The following RANBP2 variants were observed in gnomAD, a reference collection of about 807,000 sequenced individuals.
The protein encoded by RANBP2 is E3 SUMO-protein ligase RanBP2.
Under a neutral mutation model 303.6 loss-of-function variants are expected in RANBP2, and 57 were observed. The ratio of observed to expected loss-of-function variants is 0.19; its 90% CI spans 0.15 to 0.23. The LOEUF (loss-of-function observed/expected upper bound fraction) is 0.23. RANBP2 is among the 10% of genes least tolerant of loss of function. RANBP2 has a pLI of 1.00. For synonymous variants in RANBP2, 1,167 were observed against 1,301.5 expected (o/e 0.90, Z 2.23); for missense variants, 3,138 against 3,780.8 (o/e 0.83, Z 4.46).
chr2:109,456,695 G>A, the RANBP2 span, among the ~76,000 whole-genome samples: 1 of 152,236 alleles, frequency 6.6e-6, no homozygotes, highest in Non-Finnish European at 1.5e-5. Flanking sequence ...CAGCGTGGTT[G>A]TGAGTGCTGG....
the RANBP2 span, among the ~76,000 whole-genome samples, chr2:109,374,836 C>T: frequency 6.6e-6 from 1 of 152,212 alleles, no homozygotes; most frequent in Non-Finnish European, 1.5e-5. Flanking sequence ...CTGGCCTCAC[C>T]TGGCCTCAGC....
the RANBP2 span, among the ~76,000 whole-genome samples, chr2:109,275,961 A>G: frequency 1.3e-5 from 2 of 152,180 alleles, no homozygotes; most frequent in South Asian, 2.1e-4. Flanking sequence ...AGCCCACGTC[A>G]TGTGCAGCTG....
the RANBP2 span, among the ~76,000 whole-genome samples, chr2:108,987,713 C>T: frequency 6.6e-6 from 1 of 152,206 alleles, no homozygotes; most frequent in Non-Finnish European, 1.5e-5. Context: ...ACAGTGGAGA[C>T]CCCCGGCCAA....
At chr2:108,824,785 T>C in the RANBP2 span, among the ~76,000 whole-genome samples, 6 of 152,278 alleles carry the variant, frequency 3.9e-5, no homozygotes, top group African/African-American at 1.2e-4. Flanking sequence ...ACACCAGCAT[T>C]GTCACAAACA....
the RANBP2 span, among the ~76,000 whole-genome samples, chr2:108,958,749 C>A: frequency 6.2e-3 from 939 of 152,258 alleles, 12 homozygotes; most frequent in African/African-American, 0.022. Context: ...AAAGCTCAAG[C>A]GCAAGGCTTC....
the RANBP2 span, among the ~76,000 whole-genome samples, chr2:109,707,258 A>G: frequency 6.6e-6 from 1 of 152,142 alleles, no homozygotes; most frequent in African/African-American, 2.4e-5. Flanking sequence ...TCACATTTCA[A>G]ACCCTTTAGA....
At chr2:109,519,091 G>A in the RANBP2 span, among the ~76,000 whole-genome samples, 1 of 151,818 alleles carries the variant, frequency 6.6e-6, no homozygotes, top group African/African-American at 2.4e-5. Flanking sequence ...GCTAATTTTT[G>A]TATTTTTAGT....
chr2:109,103,937 G>A, the RANBP2 span, among the ~76,000 whole-genome samples: 2 of 151,982 alleles, frequency 1.3e-5, no homozygotes, highest in Non-Finnish European at 2.9e-5. Flanking sequence ...GGGACTACAG[G>A]CGCCCGCCAC....
chr2:109,032,855 T>A, the RANBP2 span, among the ~76,000 whole-genome samples: 2 of 152,230 alleles, frequency 1.3e-5, no homozygotes, highest in South Asian at 2.1e-4. Context: ...TTGCTGATTC[T>A]GTGGGCCTAA....
chr2:109,700,021 G>C, the RANBP2 span, among the ~76,000 whole-genome samples: 1 of 152,160 alleles, frequency 6.6e-6, no homozygotes, highest in Non-Finnish European at 1.5e-5. Context: ...TTTTATGGCA[G>C]GAAGATAGTT....
At chr2:109,152,083 T>G in the RANBP2 span, among the ~76,000 whole-genome samples, 1 of 152,268 alleles carries the variant, frequency 6.6e-6, no homozygotes, top group South Asian at 2.1e-4. Context: ...GTGGTCTTGA[T>G]GGACATGGAG....
the RANBP2 span, among the ~76,000 whole-genome samples, chr2:109,529,218 G>T: frequency 6.6e-6 from 1 of 152,178 alleles, no homozygotes; most frequent in East Asian, 1.9e-4. Flanking sequence ...TGGCACATGG[G>T]GTGCCCAGTC....
chr2:109,424,731 G>A, the RANBP2 span, among the ~76,000 whole-genome samples: 1 of 152,164 alleles, frequency 6.6e-6, no homozygotes, highest in Non-Finnish European at 1.5e-5. Flanking sequence ...TGATGTGTAT[G>A]TTCTGACGGC....
the RANBP2 span, among the ~76,000 whole-genome samples, chr2:108,820,301 A>G: frequency 6.6e-6 from 1 of 152,192 alleles, no homozygotes; most frequent in African/African-American, 2.4e-5. Flanking sequence ...AAAAAAACGA[A>G]GAAAAGTGAC....
the RANBP2 span, among the ~76,000 whole-genome samples, chr2:108,936,092 C>T: frequency 2.0e-5 from 3 of 152,228 alleles, no homozygotes; most frequent in African/African-American, 4.8e-5. Context: ...GTCCAGCCTC[C>T]GGGACTTCCC....
chr2:109,613,815 C>G, the RANBP2 span: 1 of 1,235,110 alleles, frequency 8.1e-7, no homozygotes, highest in South Asian at 3.9e-5. Flanking sequence ...CGCGCCACCT[C>G]GGAGGAGGCC....
chr2:109,553,042 AC>A, the RANBP2 span: 4 of 1,589,498 alleles, frequency 2.5e-6, no homozygotes, highest in South Asian at 3.5e-5. Context: ...AATTAATAGG[AC>A]ATCTAAAAAA....
the RANBP2 span, among the ~76,000 whole-genome samples, chr2:109,510,217 G>A: frequency 6.6e-6 from 1 of 152,198 alleles, no homozygotes; most frequent in Non-Finnish European, 1.5e-5. Context: ...AATGGCCAGG[G>A]GTAGGTCTCT....
At chr2:109,566,283 G>C in the RANBP2 span, among the ~76,000 whole-genome samples, 1 of 151,844 alleles carries the variant, frequency 6.6e-6, no homozygotes, top group Non-Finnish European at 1.5e-5. Context: ...ACAACATCCA[G>C]CTAATTTTTG....
Sources: gnomAD v4.1 joint callset for allele counts (sites outside exome capture counted in the v4.1 genomes callset) on GRCh38, gnomAD v4.1.1 for gene constraint, MANE v1.5 for transcripts, NCBI Gene and HGNC (gene_info 2026-07-23, HGNC 2026-07-21) for gene names.